The following DRC8 variants were observed in gnomAD, a reference collection of about 807,000 sequenced individuals.
DRC8 encodes dynein regulatory complex subunit 8, also known as dynein regulatory complex protein 8.
At chr1:244,987,319 G>A in the DRC8 span, among the ~76,000 whole-genome samples, 2 of 151,260 alleles carry the variant, frequency 1.3e-5, no homozygotes, top group African/African-American at 4.9e-5. Flanking sequence ...TCATTCCTCC[G>A]CCTTCCGAGT....
the DRC8 span, among the ~76,000 whole-genome samples, chr1:245,099,257 A>G: frequency 6.6e-6 from 1 of 152,154 alleles, no homozygotes. Flanking sequence ...TTGTGAGGAA[A>G]CCAGTGAGAA....
the DRC8 span, among the ~76,000 whole-genome samples, chr1:245,100,156 G>A: frequency 1.2e-3 from 178 of 152,090 alleles, no homozygotes; most frequent in African/African-American, 4.0e-3. Context: ...AGGCCGAGGC[G>A]GGTGGATCAC....
chr1:245,010,806 C>T, the DRC8 span, among the ~76,000 whole-genome samples: 1 of 151,686 alleles, frequency 6.6e-6, no homozygotes, highest in African/African-American at 2.4e-5. Context: ...CTCAGCCTCC[C>T]CAGTAGCTGG....
the DRC8 span, among the ~76,000 whole-genome samples, chr1:245,046,829 A>G: frequency 8.5e-5 from 13 of 152,048 alleles, no homozygotes; most frequent in Admixed American, 2.0e-4. Flanking sequence ...TTGCCCTTGT[A>G]TTTTTTTCTT....
chr1:245,025,987 C>T, the DRC8 span, among the ~76,000 whole-genome samples: 1 of 152,174 alleles, frequency 6.6e-6, no homozygotes, highest in Non-Finnish European at 1.5e-5. Context: ...TACCCAGTCT[C>T]GGGTATTTCT....
the DRC8 span, among the ~76,000 whole-genome samples, chr1:245,018,588 ATAAC>A: frequency 1.3e-5 from 2 of 152,110 alleles, no homozygotes; most frequent in African/African-American, 4.8e-5. Flanking sequence ...TGCAATTTGA[ATAAC>A]TAACTACATG....
the DRC8 span, chr1:245,087,769 T>C: frequency 9.2e-6 from 9 of 979,796 alleles, no homozygotes; most frequent in Admixed American, 6.1e-5. Context: ...GGCTTCTTTT[T>C]TAAACAATAA....
chr1:245,093,644 C>T, the DRC8 span, among the ~76,000 whole-genome samples: 4 of 148,306 alleles, frequency 2.7e-5, no homozygotes, highest in African/African-American at 7.5e-5. Flanking sequence ...TGCAGTGAGC[C>T]GAGATGGTGC....
chr1:245,040,879 T>C, the DRC8 span, among the ~76,000 whole-genome samples: 1 of 152,222 alleles, frequency 6.6e-6, no homozygotes. Context: ...AGCCAAAGCC[T>C]CTGCCCTCCA....
the DRC8 span, among the ~76,000 whole-genome samples, chr1:245,037,723 A>G: frequency 8.5e-5 from 13 of 152,218 alleles, no homozygotes; most frequent in Admixed American, 8.5e-4. Context: ...CAGATATATG[A>G]TTAAATATCT....
chr1:245,013,690 C>G, the DRC8 span, among the ~76,000 whole-genome samples: 1 of 151,982 alleles, frequency 6.6e-6, no homozygotes, highest in Admixed American at 6.6e-5. Flanking sequence ...ATGAAAGATC[C>G]AATTTATTGC....
the DRC8 span, among the ~76,000 whole-genome samples, chr1:245,078,835 A>T: frequency 2.6e-3 from 399 of 152,344 alleles, 2 homozygotes; most frequent in Non-Finnish European, 4.5e-3. Flanking sequence ...CAAAAAAGGT[A>T]ACTAGTGAGT....
chr1:245,058,961 T>A, the DRC8 span, among the ~76,000 whole-genome samples: 1 of 152,184 alleles, frequency 6.6e-6, no homozygotes, highest in African/African-American at 2.4e-5. Flanking sequence ...GAGCTGGGAT[T>A]TGAACCCTAG....
the DRC8 span, among the ~76,000 whole-genome samples, chr1:245,029,379 C>A: frequency 2.0e-5 from 3 of 152,154 alleles, no homozygotes; most frequent in Non-Finnish European, 4.4e-5. Flanking sequence ...CTCACTGCAA[C>A]CTCCACCTCC....
the DRC8 span, among the ~76,000 whole-genome samples, chr1:245,031,996 G>T: frequency 6.6e-6 from 1 of 152,182 alleles, no homozygotes; most frequent in Admixed American, 6.5e-5. Context: ...TTAGTAACTA[G>T]TGATACCACT....
the DRC8 span, among the ~76,000 whole-genome samples, chr1:245,097,070 G>A: frequency 6.6e-6 from 1 of 152,082 alleles, no homozygotes; most frequent in African/African-American, 2.4e-5. This position sits in a 1 kb window ranked among gnomAD's most constrained non-coding sequence, Gnocchi z 5.0. Flanking sequence ...ATTATATAAC[G>A]AGGTTGGGTA....
the DRC8 span, among the ~76,000 whole-genome samples, chr1:244,972,218 G>T: frequency 6.4e-4 from 97 of 152,284 alleles, 1 homozygote; most frequent in African/African-American, 2.2e-3. Flanking sequence ...AAAGCTGGAT[G>T]CCATTCATTC....
At chr1:244,974,788 G>A in the DRC8 span, among the ~76,000 whole-genome samples, 1 of 151,996 alleles carries the variant, frequency 6.6e-6, no homozygotes, top group Admixed American at 6.6e-5. Context: ...TCGACCTCCT[G>A]GGCTCAAGCG....
the DRC8 span, among the ~76,000 whole-genome samples, chr1:245,088,109 G>A: frequency 7.2e-5 from 11 of 152,166 alleles, no homozygotes; most frequent in African/African-American, 2.4e-4. The surrounding 1 kb of genome is among the most constrained non-coding windows in gnomAD (Gnocchi z 4.6). Flanking sequence ...ATGTTATGGT[G>A]TGCAAATGTA....
Sources: allele counts gnomAD v4.1 joint callset (sites outside exome capture counted in the v4.1 genomes callset), GRCh38; gene constraint gnomAD v4.1.1; non-coding constraint Gnocchi (gnomAD v3.1); transcripts MANE v1.5; gene names NCBI Gene and HGNC (gene_info 2026-07-23, HGNC 2026-07-21).